MAGEB1: variants seen among roughly 807,000 people sequenced by gnomAD.
MAGEB1 encodes the protein melanoma-associated antigen B1.
For synonymous variants in MAGEB1, 99 were observed against 105.7 expected, an observed-to-expected ratio of 0.94 and a Z score of 0.39; for missense variants, 290 against 286.7, an observed-to-expected ratio of 1.01 and a Z score of -0.08.
At position 30,250,558 on chromosome X, in the gene MAGEB1, C is replaced by G. The variant is rs760798381; in HGVS notation, c.65C>G (p.Thr22Ser). ...REKRRKAREE[T>S]QGLKVAHATA... is the part of the protein sequence containing the mutation. Reference sequence around the variant, plus strand: ...AAACGCCGCAAGGCGCGAGAGGAGACCCAGGGTCTCAAGGTTGCTCACGCC... The same window carrying G: ...AAACGCCGCAAGGCGCGAGAGGAGAGCCAGGGTCTCAAGGTTGCTCACGCC... The change falls in exon 2 of 2, where the codon ACC becomes AGC. Residue 22 changes from threonine to serine, a missense_variant. Coordinates refer to ENST00000397548, the MANE Select transcript of MAGEB1 (RefSeq NM_177404.3). 2 of 1,208,813 alleles carry G rather than the reference C, an allele frequency of 1.7e-6. No individual in the cohort carries two copies. The highest frequency in any genetic ancestry group is 3.6e-5 in the South Asian group (2 of 56,193).
chrX:30,250,355 A>G (rs752802942), intron 1 of MAGEB1, 79 bp from the exon 2 acceptor site: 10 of 522,390 alleles, frequency 1.9e-5, no homozygotes, highest in Non-Finnish European at 3.1e-5. Context: ...CAAGAAAACC[A>G]GCAGAAGTGG....
upstream of MAGEB1, among the ~76,000 whole-genome samples, chrX:30,246,906 G>A (rs1383617719): frequency 8.9e-6 from 1 of 112,496 alleles, no homozygotes; most frequent in Non-Finnish European, 1.9e-5. Flanking sequence ...GGCCTGTGAG[G>A]CCCAGGCAGG....
upstream of MAGEB1, among the ~76,000 whole-genome samples, chrX:30,245,185 G>T (rs1277319597): frequency 8.9e-6 from 1 of 111,946 alleles, no homozygotes; most frequent in African/African-American, 3.2e-5. Flanking sequence ...ATTTAATATG[G>T]AAAAGTTATT....
Position 30,251,621 on chromosome X carries a change from G to C in MAGEB1, c.*84G>C. The stretch of plus-strand genomic sequence containing the variant: ...TGAGCAGCCAAGATATGGCTAGAGA[G>C]ATCATCATATATATCTCCTTTGTGT... On this transcript the variant is annotated 3_prime_UTR_variant, in exon 2 of 2. Transcript: ENST00000397548. The C allele has an allele frequency of 1.3e-6, 1 of 762,405 alleles. No homozygotes were observed. The allele number at this position is 762,405 out of a possible 1,213,427, so 62.8% of individuals were successfully genotyped here. A position where few individuals can be genotyped will look rare whatever the true frequency, so the allele number is the denominator to read the frequency against.
Position 30,250,872 on chromosome X carries a change from G to A in MAGEB1, c.379G>A (p.Glu127Lys), listed in dbSNP as rs1925492241. 8.3e-7 allele frequency: 1 copy of A among 1,212,013 alleles called. No individual in the cohort carries two copies. The highest frequency in any genetic ancestry group is 1.1e-6 in the Non-Finnish European group (1 of 895,414). ...CATTCTACGTAAGTATAAAATGAGAGAGCCCATTATGAAGGCAGATATGCT... is the reference window on the plus strand; with the variant it reads ...CATTCTACGTAAGTATAAAATGAGAAAGCCCATTATGAAGGCAGATATGCT... The part of the protein sequence containing the change: ...HFILRKYKMR[E>K]PIMKADMLKV... Residue 127 changes from glutamate to lysine, a missense_variant, in exon 2 of 2, where the codon GAG becomes AAG. Coordinates refer to ENST00000397548, the MANE Select transcript of MAGEB1 (RefSeq NM_177404.3).
upstream of MAGEB1, among the ~76,000 whole-genome samples, chrX:30,246,855 G>T (rs1374350562): frequency 2.7e-5 from 3 of 112,117 alleles, no homozygotes; most frequent in African/African-American, 6.5e-5. Flanking sequence ...GAAGGCCTCT[G>T]CCCAAAACGG....
upstream of MAGEB1, chrX:30,246,510 G>A (rs1799649524): frequency 8.8e-6 from 1 of 113,692 alleles, no homozygotes; most frequent in Non-Finnish European, 1.9e-5. Flanking sequence ...AAGCCTTGGC[G>A]GAGATGGCAG....
At chrX:30,248,200 G>T in intron 1 of MAGEB1, among the ~76,000 whole-genome samples, 1 of 111,411 alleles carries the variant, frequency 9.0e-6, no homozygotes, top group Non-Finnish European at 1.9e-5. Flanking sequence ...GCCTGATGCT[G>T]TCCCTGGGAG....
chrX:30,249,723 C>G (rs1925441764), intron 1 of MAGEB1, among the ~76,000 whole-genome samples: 2 of 111,677 alleles, frequency 1.8e-5, no homozygotes, highest in Admixed American at 1.9e-4. Flanking sequence ...TAAATGTCCT[C>G]AGGTGTAGAG....
chrX:30,245,964 T>A (rs1316959808), upstream of MAGEB1, among the ~76,000 whole-genome samples: 1 of 112,000 alleles, frequency 8.9e-6, no homozygotes, highest in Non-Finnish European at 1.9e-5. Context: ...ATCACATCAC[T>A]TCTGGGACAG....
At chrX:30,246,085 T>C (rs1175804486), upstream of MAGEB1, among the ~76,000 whole-genome samples, 1 of 111,747 alleles carries the variant, frequency 8.9e-6, no homozygotes, top group Non-Finnish European at 1.9e-5. Context: ...ATGAGAACCC[T>C]CATGAATGAA....
upstream of MAGEB1, among the ~76,000 whole-genome samples, chrX:30,246,070 C>T (rs1056157026): frequency 8.9e-6 from 1 of 111,816 alleles, no homozygotes; most frequent in Admixed American, 9.4e-5. Context: ...GAGACAGAAG[C>T]CAACATGAGA....
intron 1 of MAGEB1, among the ~76,000 whole-genome samples, chrX:30,249,683 G>C (rs994529609): frequency 1.8e-5 from 2 of 111,491 alleles, no homozygotes; most frequent in Non-Finnish European, 3.8e-5. Flanking sequence ...CCTCCATTGG[G>C]TCTCAGGCAG....
chrX:30,247,946 GAAAAAAA>G lies in MAGEB1; in HGVS notation c.-61+707_-61+713del, dbSNP rs57368527. On this transcript the variant is annotated intron_variant, in intron 1 of 1. Transcript: ENST00000397548. ...GTGACAGAGCGAGACTCAGTCTCAA[GAAAAAAA>G]AAAAAAAAAAAAAAAAGTCCCGCTC... Among the ~76,000 whole-genome samples, 119 of 45,938 alleles carry G rather than the reference GAAAAAAA, an allele frequency of 2.6e-3. 1 individual carries two copies. The highest frequency in any genetic ancestry group is 7.3e-3 in the African/African-American group (71 of 9,769). The allele number at this position is 45,938 out of a possible 115,157, so 39.9% of individuals were successfully genotyped here.
At chrX:30,246,801 G>A (rs776771011), upstream of MAGEB1, among the ~76,000 whole-genome samples, 2 of 111,764 alleles carry the variant, frequency 1.8e-5, no homozygotes, top group Non-Finnish European at 1.9e-5. Context: ...AGTTCTGCCT[G>A]GAGAGGAAAC....
rs148758545 is a variant in MAGEB1, at chrX:30,251,495, G to A, written c.1002G>A (p.Ala334=). ...GCACTACTGCCACGACTTTTAGAGC[G>A]CGTTCTAGAGCCCCATTCAGCAGGT... The part of the protein sequence containing the change: ...RRRTTATTFR[A]RSRAPFSRSS... Residue 334 remains alanine, a synonymous_variant, in exon 2 of 2, where the codon GCG becomes GCA. Transcript: ENST00000397548. 145 of 1,209,210 alleles carry A rather than the reference G, an allele frequency of 1.2e-4. No individual in the cohort carries two copies. Among genetic ancestry groups the A allele is most frequent in the Middle Eastern group, 4.6e-4 (2 of 4,345 alleles).
At chrX:30,244,598 T>C (rs1423799566), upstream of MAGEB1, among the ~76,000 whole-genome samples, 1 of 111,942 alleles carries the variant, frequency 8.9e-6, no homozygotes, top group Admixed American at 9.5e-5. Flanking sequence ...GCAAGGTAAC[T>C]GAGACTTCGG....
rs1925515641 is a variant in MAGEB1, at chrX:30,251,319, G to A, written c.826G>A (p.Ala276Thr). The change falls in exon 2 of 2, where the codon GCC (alanine) becomes ACC (threonine). Residue 276 changes from alanine to threonine, a missense_variant. By Grantham distance (58) the Ala-to-Thr change is moderately conservative (BLOSUM62 0). Transcript: ENST00000397548. ...PRYQFLWGPR[A>T]YAETTKMKVL... ...CTATCAATTCCTATGGGGTCCGAGA[G>A]CCTATGCTGAAACCACCAAGATGAA... The A allele has an allele frequency of 1.7e-6, 2 of 1,212,010 alleles. No homozygotes were observed. Among genetic ancestry groups the A allele is most frequent in the Non-Finnish European group, 2.2e-6 (2 of 895,538 alleles).
chrX:30,249,272 A>G (rs1455186418), intron 1 of MAGEB1, among the ~76,000 whole-genome samples: 4 of 111,175 alleles, frequency 3.6e-5, no homozygotes, highest in African/African-American at 1.3e-4. Context: ...TCTTGGGACT[A>G]TGAGGCAATG....
Sources: allele counts gnomAD v4.1 joint callset (sites outside exome capture counted in the v4.1 genomes callset), GRCh38; gene constraint gnomAD v4.1.1; transcripts MANE v1.5; gene names NCBI Gene and HGNC (gene_info 2026-07-23, HGNC 2026-07-21).